Variants in MDGA2 observed in about 807,000 individuals in gnomAD.
The protein encoded by MDGA2 is MAM domain-containing glycosylphosphatidylinositol anchor protein 2.
A neutral mutation model predicts 117.8 loss-of-function variants in MDGA2; 40 were observed. That is an observed-to-expected ratio of 0.34 (90% confidence interval 0.26 to 0.44). The LOEUF (loss-of-function observed/expected upper bound fraction) is 0.44. MDGA2 is among the 20% of genes least tolerant of loss of function. The probability of loss-of-function intolerance (pLI) is 1.00; values close to 1 mark genes in which losing one functional copy is unlikely to be tolerated. For synonymous variants in MDGA2, 452 were observed against 439.0 expected, an observed-to-expected ratio of 1.03 and a Z score of -0.37; for missense variants, 1,123 against 1,250.6, an observed-to-expected ratio of 0.90 and a Z score of 1.54.
At chr14:47,130,364 T>C (rs997916872) in intron 5 of MDGA2, among the ~76,000 whole-genome samples, 1 of 152,170 alleles carries the variant, frequency 6.6e-6, no homozygotes, top group African/African-American at 2.4e-5. Context: ...TTTCCCCCAT[T>C]GCTTGTTTTT....
At chr14:47,320,140 T>C (rs1889936886) in intron 1 of MDGA2, among the ~76,000 whole-genome samples, 1 of 152,164 alleles carries the variant, frequency 6.6e-6, no homozygotes, top group Non-Finnish European at 1.5e-5. Context: ...TTAGAGTCTC[T>C]AGAACTGTGA....
rs1402546387 is a variant in MDGA2, at chr14:46,882,074, C to A, written c.2386G>T (p.Asp796Tyr). 13 of 1,610,034 alleles carry A rather than the reference C, an allele frequency of 8.1e-6. No homozygotes were observed. The highest frequency in any genetic ancestry group is 1.0e-5 in the Non-Finnish European group (12 of 1,177,582). Residue 796 changes from aspartate to tyrosine, a missense_variant, in exon 11 of 17, where the codon GAT becomes TAT. Physicochemically the swap from Asp to Tyr is radical, Grantham distance 160 (BLOSUM62 -3). This residue lies in a region of MDGA2 where 890 missense variants were observed against 1,050.3 expected (regional missense o/e 0.85). Transcript: ENST00000399232. The stretch of plus-strand genomic sequence containing the variant: ...TATTTGATCACACGAATTGTTGAAT[C>A]TCCTTCACCAAATTTGGTGAGAGGA... ...LTPLTKFGEG[D>Y]STIRVIKYSA...
chr14:47,200,508 T>C (rs1885454709), intron 3 of MDGA2: 1 of 598,376 alleles, frequency 1.7e-6, no homozygotes, highest in Admixed American at 3.6e-5. Flanking sequence ...TTTTTCTATT[T>C]TTCTTTTCTT....
chr14:47,200,956 T>C (rs1885482669), intron 3 of MDGA2: 1 of 832,756 alleles, frequency 1.2e-6, no homozygotes, highest in Non-Finnish European at 2.1e-6. Context: ...CTTCAACTTG[T>C]TTCTGTAGAA....
chr14:47,220,819 G>A (rs992932980), intron 2 of MDGA2, among the ~76,000 whole-genome samples: 3 of 152,104 alleles, frequency 2.0e-5, no homozygotes, highest in African/African-American at 7.2e-5. Context: ...CACATTTACT[G>A]AAAAAGGTGA....
intron 3 of MDGA2, among the ~76,000 whole-genome samples, chr14:47,163,476 C>T (rs1466128366): frequency 6.6e-6 from 1 of 151,922 alleles, no homozygotes; most frequent in Non-Finnish European, 1.5e-5. Flanking sequence ...TTGTGAGATC[C>T]GGTGGTTTTA....
At chr14:46,982,220 C>G (rs1466930569) in intron 8 of MDGA2, among the ~76,000 whole-genome samples, 1 of 152,024 alleles carries the variant, frequency 6.6e-6, no homozygotes, top group African/African-American at 2.4e-5. Flanking sequence ...CATGAAAAGA[C>G]TAGTATGGTA....
chr14:47,403,667 C>G (rs1334247585), intron 1 of MDGA2, among the ~76,000 whole-genome samples: 1 of 152,112 alleles, frequency 6.6e-6, no homozygotes, highest in East Asian at 1.9e-4. Flanking sequence ...ATCACCATCA[C>G]CAGTTCAAAT....
intron 5 of MDGA2, among the ~76,000 whole-genome samples, chr14:47,099,725 G>A (rs1880191089): frequency 6.6e-6 from 1 of 151,942 alleles, no homozygotes; most frequent in Non-Finnish European, 1.5e-5. Flanking sequence ...ATACCTGTGT[G>A]AACTTGAGCA....
At position 47,146,646 on chromosome 14, in the gene MDGA2, A is replaced by C. The variant is rs549413861; in HGVS notation, c.596-2372T>G. ...AAACAATTTACTTTTTTTCTTGTTC[A>C]AAACATAATCTCTTTAGTCACAGGC... On this transcript the variant is annotated intron_variant, in intron 3 of 16. Coordinates refer to ENST00000399232, the MANE Select transcript of MDGA2 (RefSeq NM_001113498.3). Among the ~76,000 whole-genome samples, 3 of 152,330 alleles carry C rather than the reference A, an allele frequency of 2.0e-5. No homozygotes were observed. In the East Asian group the frequency reaches 5.8e-4, roughly 29 times the overall value.
chr14:46,911,286 G>A (rs534504288), intron 10 of MDGA2, among the ~76,000 whole-genome samples: 264 of 152,242 alleles, frequency 1.7e-3, no homozygotes, highest in Non-Finnish European at 1.9e-3. Flanking sequence ...AAACATCAAT[G>A]ATATTTTGCA....
chr14:47,563,616 T>A, intron 1 of MDGA2, among the ~76,000 whole-genome samples: 1 of 114,596 alleles, frequency 8.7e-6, no homozygotes, highest in African/African-American at 3.4e-5. Flanking sequence ...TTTTGCTTGG[T>A]AGATTTTTTT....
At chr14:47,235,779 A>C (rs1225439063) in intron 2 of MDGA2, among the ~76,000 whole-genome samples, 1 of 152,106 alleles carries the variant, frequency 6.6e-6, no homozygotes, top group Non-Finnish European at 1.5e-5. Flanking sequence ...ATAATAATAA[A>C]TTATCTGTCT....
chr14:47,108,616 T>C (rs1324353883), intron 5 of MDGA2, among the ~76,000 whole-genome samples: 1 of 152,150 alleles, frequency 6.6e-6, no homozygotes, highest in Non-Finnish European at 1.5e-5. Flanking sequence ...AATTTTCCTT[T>C]ACCTACCCAA....
At chr14:47,328,358 G>A (rs189680829) in intron 1 of MDGA2, among the ~76,000 whole-genome samples, 2 of 152,148 alleles carry the variant, frequency 1.3e-5, no homozygotes, top group Admixed American at 1.3e-4. Flanking sequence ...ATGATCAGCT[G>A]GAGCAAGTAC....
At position 46,877,517 on chromosome 14, in the gene MDGA2, A is replaced by G; in HGVS notation, c.2417-8T>C. ...AATGAGGATTTACAGGAGCTACAAG[A>G]AAAGCAAAAGAAACAAACAAACAAA... is the stretch of plus-strand genomic sequence containing the variant. On this transcript the variant is annotated splice_region_variant and splice_polypyrimidine_tract_variant and intron_variant, in intron 11 of 16. Coordinates refer to ENST00000399232, the MANE Select transcript of MDGA2 (RefSeq NM_001113498.3). 6.6e-7 allele frequency: 1 copy of G among 1,518,978 alleles called. No individual in the cohort carries two copies. The highest frequency in any genetic ancestry group is 9.0e-7 in the Non-Finnish European group (1 of 1,110,192). 94.1% of individuals were successfully genotyped at this position (1,518,978 alleles called of 1,614,324 possible).
chr14:46,886,995 C>T (rs956224053), intron 10 of MDGA2, among the ~76,000 whole-genome samples: 1 of 151,956 alleles, frequency 6.6e-6, no homozygotes, highest in Admixed American at 6.6e-5. Context: ...TCTAAAAATA[C>T]GATCTTTAAA....
intron 1 of MDGA2, among the ~76,000 whole-genome samples, chr14:47,409,195 G>A (rs1892321431): frequency 1.3e-5 from 2 of 152,180 alleles, no homozygotes; most frequent in South Asian, 2.1e-4. Context: ...GAGCCAATGT[G>A]GCTGCTGTAT....
chr14:47,102,557 A>G (rs1880399691), intron 5 of MDGA2, among the ~76,000 whole-genome samples: 2 of 152,084 alleles, frequency 1.3e-5, no homozygotes, highest in South Asian at 4.1e-4. Flanking sequence ...AGAAGCAGAA[A>G]AGGGCAAAAC....
Sources: gnomAD v4.1 joint callset for allele counts (sites outside exome capture counted in the v4.1 genomes callset) on GRCh38, gnomAD v4.1.1 for gene constraint, gnomAD v4.1.1 regional missense constraint, MANE v1.5 for transcripts, NCBI Gene and HGNC (gene_info 2026-07-23, HGNC 2026-07-21) for gene names.